The following NPFFR2 variants were observed in gnomAD, a reference collection of about 807,000 sequenced individuals.
The protein encoded by NPFFR2 is G-protein coupled receptor 74.
Under a neutral mutation model 13.1 loss-of-function variants are expected in NPFFR2, and 15 were observed. The ratio of observed to expected loss-of-function variants is 1.15; its 90% CI spans 0.77 to 1.76. The LOEUF (loss-of-function observed/expected upper bound fraction) is 1.76. NPFFR2 is among the 40% of genes most tolerant of loss of function. The probability of loss-of-function intolerance (pLI) is 0.00; values close to 1 mark genes in which losing one functional copy is unlikely to be tolerated. For missense variants in NPFFR2, 572 were observed against 503.5 expected (o/e 1.14, Z -1.30); for synonymous variants, 190 against 175.7 (o/e 1.08, Z -0.65).
chr4:72,092,970 T>G (rs1173186643), intron 1 of NPFFR2, among the ~76,000 whole-genome samples: 2 of 152,204 alleles, frequency 1.3e-5, no homozygotes, highest in African/African-American at 4.8e-5. Flanking sequence ...TTGGTATATT[T>G]TGAGGATTGT....
intron 1 of NPFFR2, among the ~76,000 whole-genome samples, chr4:72,124,204 A>T (rs1196585467): frequency 6.6e-6 from 1 of 152,200 alleles, no homozygotes; most frequent in Non-Finnish European, 1.5e-5. Context: ...ACAACTTACA[A>T]GGTATGTGAA....
chr4:72,144,663 C>A (rs764621095), intron 3 of NPFFR2, among the ~76,000 whole-genome samples: 6 of 152,122 alleles, frequency 3.9e-5, no homozygotes, highest in Non-Finnish European at 7.3e-5. Context: ...ATGCCCAGAG[C>A]TGAACTCATT....
At chr4:72,075,440 G>C (rs528927915) in intron 1 of NPFFR2, among the ~76,000 whole-genome samples, 1 of 152,120 alleles carries the variant, frequency 6.6e-6, no homozygotes, top group Non-Finnish European at 1.5e-5. Context: ...GGTAAGAAAT[G>C]ACTAAAGAAC....
chr4:72,102,308 G>C (rs2109811152), intron 1 of NPFFR2, among the ~76,000 whole-genome samples: 1 of 152,138 alleles, frequency 6.6e-6, no homozygotes, highest in African/African-American at 2.4e-5. Flanking sequence ...TAAACTGTGG[G>C]AAAGTATACT....
At chr4:72,034,499 C>T (rs1201914519) in intron 1 of NPFFR2, among the ~76,000 whole-genome samples, 1 of 152,140 alleles carries the variant, frequency 6.6e-6, no homozygotes, top group Non-Finnish European at 1.5e-5. Context: ...GATTCAATTA[C>T]CTCCCACCAA....
chr4:72,072,838 A>G (rs973485732), intron 1 of NPFFR2, among the ~76,000 whole-genome samples: 3 of 152,290 alleles, frequency 2.0e-5, no homozygotes, highest in African/African-American at 7.2e-5. Context: ...GACTTACCAC[A>G]TAAAAAGGAT....
chr4:72,120,234 C>A (rs1230452052), intron 1 of NPFFR2, among the ~76,000 whole-genome samples: 1 of 152,218 alleles, frequency 6.6e-6, no homozygotes, highest in Admixed American at 6.5e-5. Flanking sequence ...CTGGGCAGGG[C>A]ATCTCTGAAA....
At chr4:72,143,764 A>C (rs1578485376) in intron 3 of NPFFR2, among the ~76,000 whole-genome samples, 2 of 152,124 alleles carry the variant, frequency 1.3e-5, no homozygotes, top group East Asian at 3.9e-4. Context: ...CTGTATCTCA[A>C]ATCCAAATTG....
chr4:72,102,716 G>A (rs1721290901), intron 1 of NPFFR2, among the ~76,000 whole-genome samples: 1 of 151,778 alleles, frequency 6.6e-6, no homozygotes, highest in African/African-American at 2.4e-5. Flanking sequence ...CATTTTTATG[G>A]CTGCATAGTA....
At chr4:72,074,387 A>G (rs1430105955) in intron 1 of NPFFR2, among the ~76,000 whole-genome samples, 1 of 152,094 alleles carries the variant, frequency 6.6e-6, no homozygotes, top group African/African-American at 2.4e-5. Context: ...TGCAATAAAT[A>G]TTTTGAGGAA....
chr4:72,142,741 TA>T (rs1722670119), intron 3 of NPFFR2, among the ~76,000 whole-genome samples: 1 of 152,216 alleles, frequency 6.6e-6, no homozygotes, highest in Non-Finnish European at 1.5e-5. Context: ...GCAAATGAGC[TA>T]AAATCTGAAA....
chr4:72,109,550 C>T (rs1202595809), intron 1 of NPFFR2, among the ~76,000 whole-genome samples: 3 of 152,016 alleles, frequency 2.0e-5, no homozygotes, highest in African/African-American at 7.2e-5. Context: ...CCTGAGAACC[C>T]AGTGCCTGCT....
chr4:72,113,510 A>G (rs901900855), intron 1 of NPFFR2, among the ~76,000 whole-genome samples: 26 of 151,926 alleles, frequency 1.7e-4, no homozygotes, highest in African/African-American at 6.3e-4. Context: ...AATGGGTAGG[A>G]CTCAACTTGT....
chr4:72,130,195 A>G (rs1283816929), intron 2 of NPFFR2, among the ~76,000 whole-genome samples: 1 of 152,122 alleles, frequency 6.6e-6, no homozygotes, highest in Non-Finnish European at 1.5e-5. Context: ...CCCCACAATT[A>G]TGTCTTACCT....
At chr4:72,080,916 CTGCCCCCAGT>C (rs1261144354) in intron 1 of NPFFR2, among the ~76,000 whole-genome samples, 4 of 146,870 alleles carry the variant, frequency 2.7e-5, no homozygotes, top group African/African-American at 1.1e-4. Flanking sequence ...GGTTCCAAGC[CTGCCCCCAGT>C]TGCAGATAAC....
At chr4:72,083,616 ACT>A (rs1720689764) in intron 1 of NPFFR2, among the ~76,000 whole-genome samples, 1 of 151,828 alleles carries the variant, frequency 6.6e-6, no homozygotes, top group Non-Finnish European at 1.5e-5. Flanking sequence ...CTCTGCCTAA[ACT>A]CTAAATATTG....
At position 72,138,039 on chromosome 4, in the gene NPFFR2, G is replaced by T; in HGVS notation, c.329-1G>T. 3 of 1,607,556 alleles carry T rather than the reference G, an allele frequency of 1.9e-6. No homozygotes were observed. The highest frequency in any genetic ancestry group is 2.6e-6 in the Non-Finnish European group (3 of 1,175,380). ...GAAAGACTGTTTCATTTTCCTTTCA[G>T]GATGGCCATTTGGAAACACGATGTG... On this transcript the variant is annotated splice_acceptor_variant, in intron 2 of 3. Transcript: ENST00000308744. LOFTEE classifies it high-confidence loss of function.
intron 1 of NPFFR2, among the ~76,000 whole-genome samples, chr4:72,103,949 C>G (rs974141920): frequency 6.6e-6 from 1 of 151,672 alleles, no homozygotes; most frequent in African/African-American, 2.4e-5. Flanking sequence ...TGAAATTGTT[C>G]TAAAAAAATC....
At chr4:72,058,792 A>T (rs1438692944) in intron 1 of NPFFR2, among the ~76,000 whole-genome samples, 1 of 151,968 alleles carries the variant, frequency 6.6e-6, no homozygotes, top group Non-Finnish European at 1.5e-5. Context: ...AAACCTTTCA[A>T]GTACAATTGG....
Sources: allele counts gnomAD v4.1 joint callset (sites outside exome capture counted in the v4.1 genomes callset), GRCh38; gene constraint gnomAD v4.1.1; transcripts MANE v1.5; gene names NCBI Gene and HGNC (gene_info 2026-07-23, HGNC 2026-07-21).